Variants in ALK observed in about 807,000 individuals in gnomAD.
ALK encodes ALK tyrosine kinase receptor.
Under a neutral mutation model 163.1 loss-of-function variants are expected in ALK, and 74 were observed. That is an observed-to-expected ratio of 0.45 (90% CI 0.38 to 0.55). The LOEUF is 0.55. Ranked by LOEUF, ALK falls within the 20% of genes least tolerant of loss-of-function variation. The pLI is 0.00. For missense variants in ALK, 2,063 were observed against 2,105.3 expected (o/e 0.98, Z 0.39); for synonymous variants, 960 against 843.2 (o/e 1.14, Z -2.40).
At chr2:29,277,275 T>C (rs1394634247) in intron 9 of ALK, among the ~76,000 whole-genome samples, 1 of 152,120 alleles carries the variant, frequency 6.6e-6, no homozygotes, top group East Asian at 1.9e-4. Flanking sequence ...ACAGCAGGGG[T>C]TGGAAGCTCC....
At chr2:29,397,944 G>A (rs1429147965) in intron 4 of ALK, among the ~76,000 whole-genome samples, 3 of 152,310 alleles carry the variant, frequency 2.0e-5, no homozygotes, top group East Asian at 1.9e-4. Context: ...GAGCTTTCCC[G>A]AACATAACAA....
intron 8 of ALK, among the ~76,000 whole-genome samples, chr2:29,299,726 AATTCTT>A (rs928789641): frequency 3.9e-4 from 59 of 152,328 alleles, no homozygotes; most frequent in African/African-American, 1.2e-3. Flanking sequence ...TGAATGACAT[AATTCTT>A]AACCCTTCAC....
intron 4 of ALK, among the ~76,000 whole-genome samples, chr2:29,467,456 T>C (rs1671240754): frequency 6.6e-6 from 1 of 152,228 alleles, no homozygotes; most frequent in Non-Finnish European, 1.5e-5. Context: ...CCAATTAGTC[T>C]TCCTTTTCCA....
chr2:29,540,568 G>T (rs1478193224), intron 3 of ALK, among the ~76,000 whole-genome samples: 1 of 142,626 alleles, frequency 7.0e-6, no homozygotes, highest in African/African-American at 2.6e-5. Context: ...AAGGACTAAA[G>T]AGAAGAATTA....
intron 9 of ALK, among the ~76,000 whole-genome samples, chr2:29,288,718 A>G (rs1218640518): frequency 1.3e-5 from 2 of 152,126 alleles, no homozygotes; most frequent in Non-Finnish European, 2.9e-5. Flanking sequence ...TGGGAGGCTG[A>G]GGCGGGCAGA....
chr2:29,433,760 A>T (rs548377067), intron 4 of ALK, among the ~76,000 whole-genome samples: 1 of 152,342 alleles, frequency 6.6e-6, no homozygotes, highest in East Asian at 1.9e-4. Context: ...TAATAAGTCA[A>T]TTCTGGAAGG....
chr2:29,692,689 TC>T (rs1172424108), intron 3 of ALK, among the ~76,000 whole-genome samples: 2 of 152,206 alleles, frequency 1.3e-5, no homozygotes, highest in African/African-American at 2.4e-5. Context: ...CAGCTATGCA[TC>T]CCATCCTAAC....
At chr2:29,734,296 A>G (rs890252364) in intron 1 of ALK, among the ~76,000 whole-genome samples, 1 of 152,216 alleles carries the variant, frequency 6.6e-6, no homozygotes, top group Non-Finnish European at 1.5e-5. Flanking sequence ...CTGAGTAATT[A>G]TGGAGATTTC....
chr2:29,804,698 T>C (rs1186678914), intron 1 of ALK, among the ~76,000 whole-genome samples: 1 of 152,190 alleles, frequency 6.6e-6, no homozygotes, highest in Admixed American at 6.5e-5. Flanking sequence ...TTTTCCAAGT[T>C]GGAAAGTATG....
rs191484448 is a variant in ALK at position 29,438,853 on chromosome 2, C to T, written c.1155-54994G>A. Reference sequence around the variant, plus strand: ...TGGAGTAGGTTACAATATCCCCCAGCGCTCCTACTGATTTGGGGAGGAGAG... The same window carrying T: ...TGGAGTAGGTTACAATATCCCCCAGTGCTCCTACTGATTTGGGGAGGAGAG... On this transcript the variant is annotated intron_variant, in intron 4 of 28. Coordinates refer to ENST00000389048, the MANE Select transcript of ALK (RefSeq NM_004304.5). 7.4e-3 allele frequency among the ~76,000 whole-genome samples: 1,131 copies of T among 152,278 alleles called. 10 individuals are homozygous for T. Among genetic ancestry groups the T allele is most frequent in the African/African-American group, 0.026 (1,076 of 41,558 alleles).
chr2:29,316,801 A>C (rs904755754), intron 8 of ALK, among the ~76,000 whole-genome samples: 7 of 152,342 alleles, frequency 4.6e-5, no homozygotes, highest in African/African-American at 1.7e-4. Context: ...TTGTGCTCAG[A>C]ATTCTTCCAA....
At position 29,706,162 on chromosome 2, in the gene ALK, C is replaced by T. The variant is rs149195576; in HGVS notation, c.788-11148G>A. Among the ~76,000 whole-genome samples, 1,212 of 152,320 alleles carry T rather than the reference C, an allele frequency of 8.0e-3. 15 individuals are homozygous for T. Among genetic ancestry groups the T allele is most frequent in the South Asian group, 0.044 (212 of 4,832 alleles). ...TGGGGGAATAAAATGATTCTCAGGT[C>T]TCTTCCATCTCTACCATGCTAAGAA... is the stretch of plus-strand genomic sequence containing the variant. On this transcript the variant is annotated intron_variant, in intron 2 of 28. Transcript: ENST00000389048.
chr2:29,563,241 G>A (rs560597971), intron 3 of ALK, among the ~76,000 whole-genome samples: 4 of 152,264 alleles, frequency 2.6e-5, no homozygotes, highest in East Asian at 3.9e-4. Flanking sequence ...TTTACATATG[G>A]TTTTGTTTTA....
intron 1 of ALK, among the ~76,000 whole-genome samples, chr2:29,851,842 A>G (rs985575671): frequency 6.6e-6 from 1 of 152,222 alleles, no homozygotes; most frequent in African/African-American, 2.4e-5. Context: ...TGCTTAAAAC[A>G]GCTCTGGGAG....
At chr2:29,609,698 C>T (rs985256112) in intron 3 of ALK, among the ~76,000 whole-genome samples, 4 of 150,780 alleles carry the variant, frequency 2.7e-5, no homozygotes, top group African/African-American at 7.3e-5. Context: ...GGTTGAAGTG[C>T]AATAGCACAA....
intron 9 of ALK, among the ~76,000 whole-genome samples, chr2:29,288,595 G>A (rs997675871): frequency 6.6e-6 from 1 of 152,156 alleles, no homozygotes; most frequent in Non-Finnish European, 1.5e-5. Flanking sequence ...TGAGATTCAT[G>A]GAAAAAATTT....
At chr2:29,833,562 T>A (rs1484910612) in intron 1 of ALK, among the ~76,000 whole-genome samples, 2 of 152,196 alleles carry the variant, frequency 1.3e-5, no homozygotes, top group Non-Finnish European at 1.5e-5. Context: ...CCCAGAATAA[T>A]CACTGCCTTT....
Position 29,227,582 on chromosome 2 carries a change from G to C in ALK, c.2906C>G (p.Ala969Gly), listed in dbSNP as rs954019663. 3.1e-6 allele frequency: 5 copies of C among 1,613,426 alleles called. No individual in the cohort carries two copies. Among genetic ancestry groups the C allele is most frequent in the Non-Finnish European group, 4.2e-6 (5 of 1,179,480 alleles). The change falls in exon 17 of 29, where the codon GCT (alanine) becomes GGT (glycine). Residue 969 changes from alanine to glycine, a missense_variant. By Grantham distance (60) the Ala-to-Gly change is moderately conservative. Coordinates refer to ENST00000389048, the MANE Select transcript of ALK (RefSeq NM_004304.5). The surrounding 1 kb of genome is among the most constrained non-coding windows in gnomAD (Gnocchi z 4.4). ...ISPLGILYTP[A>G]LKVMEGHGEV... ...CCTGGCAGAGAAGCTACCTTTTAAA[G>C]CTGGGGTGTACAGGATGCCCAGTGG...
chr2:29,209,587 A>AG (rs1219229132), intron 25 of ALK, among the ~76,000 whole-genome samples, 199 bp downstream of exon 25: 1 of 151,380 alleles, frequency 6.6e-6, no homozygotes, highest in Non-Finnish European at 1.5e-5. Flanking sequence ...TACTGCAGGA[A>AG]GTGTGATCCC....
Sources: gnomAD v4.1 joint callset for allele counts (sites outside exome capture counted in the v4.1 genomes callset) on GRCh38, gnomAD v4.1.1 for gene constraint, Gnocchi (gnomAD v3.1) non-coding constraint, MANE v1.5 for transcripts, NCBI Gene and HGNC (gene_info 2026-07-23, HGNC 2026-07-21) for gene names.